ZNF423: variants seen among roughly 807,000 people sequenced by gnomAD.
ZNF423 encodes Ebf-associated zinc finger protein.
A neutral mutation model predicts 95.8 loss-of-function variants in ZNF423; 12 were observed. The ratio of observed to expected loss-of-function variants is 0.13; its 90% CI spans 0.08 to 0.20. The LOEUF (loss-of-function observed/expected upper bound fraction) is 0.20. ZNF423 is among the 10% of genes least tolerant of loss of function. The pLI, the probability that ZNF423 is intolerant of heterozygous loss-of-function variation, is 1.00. For synonymous variants in ZNF423, 749 were observed against 711.9 expected, an observed-to-expected ratio of 1.05 and a Z score of -0.83; for missense variants, 1,316 against 1,737.1, an observed-to-expected ratio of 0.76 and a Z score of 4.31.
At chr16:49,583,972 G>C (rs941351920) in intron 5 of ZNF423, among the ~76,000 whole-genome samples, 2 of 152,234 alleles carry the variant, frequency 1.3e-5, no homozygotes, top group African/African-American at 2.4e-5. Flanking sequence ...GACCCAGCTT[G>C]TTCACTGAGC....
chr16:49,835,557 G>A (rs2144073339), intron 1 of ZNF423, among the ~76,000 whole-genome samples: 1 of 152,344 alleles, frequency 6.6e-6, no homozygotes, highest in Non-Finnish European at 1.5e-5. Flanking sequence ...GTCTGCTCCG[G>A]GGAGATGCGG....
At chr16:49,698,126 A>G (rs1031299402) in intron 3 of ZNF423, among the ~76,000 whole-genome samples, 6 of 152,256 alleles carry the variant, frequency 3.9e-5, no homozygotes. Flanking sequence ...GAGCAAGATC[A>G]GATGAGCTCC....
At chr16:49,728,649 T>C (rs915011536) in intron 3 of ZNF423, among the ~76,000 whole-genome samples, 1 of 152,228 alleles carries the variant, frequency 6.6e-6, no homozygotes. Flanking sequence ...TACCAGTTCT[T>C]ATTTCTGGCT....
intron 7 of ZNF423, among the ~76,000 whole-genome samples, chr16:49,518,983 G>A (rs1470718243): frequency 6.6e-6 from 1 of 152,194 alleles, no homozygotes; most frequent in Admixed American, 6.5e-5. Flanking sequence ...AGGATGACAT[G>A]AGCCCCGGAG....
chr16:49,715,568 A>C (rs2032680541), intron 3 of ZNF423, among the ~76,000 whole-genome samples: 1 of 151,940 alleles, frequency 6.6e-6, no homozygotes, highest in African/African-American at 2.4e-5. Context: ...TACCAAGACC[A>C]CATTTTTTCA....
intron 2 of ZNF423, among the ~76,000 whole-genome samples, chr16:49,767,785 C>T (rs1259752941): frequency 6.6e-6 from 1 of 152,168 alleles, no homozygotes; most frequent in African/African-American, 2.4e-5. Context: ...CTGAAGTCCA[C>T]GCATCCTTCC....
At chr16:49,664,424 G>T in intron 3 of ZNF423, 1 of 424,774 alleles carries the variant, frequency 2.4e-6, no homozygotes, top group Non-Finnish European at 3.2e-6. Flanking sequence ...CTCAGGCCAC[G>T]CGGCCAGATG....
At chr16:49,760,033 T>TGGGGGGGGGGGG (rs2033798568) in intron 2 of ZNF423, among the ~76,000 whole-genome samples, 1 of 7,712 alleles carries the variant, frequency 1.3e-4, no homozygotes, top group Non-Finnish European at 2.4e-4. Flanking sequence ...GATGGGTGGG[T>TGGGGGGGGGGGG]GGGGTGGGTA....
chr16:49,510,334 T>C (rs1967835304), intron 7 of ZNF423, among the ~76,000 whole-genome samples: 1 of 152,100 alleles, frequency 6.6e-6, no homozygotes, highest in African/African-American at 2.4e-5. Context: ...ACAAAGCAAC[T>C]CTGAGGCCCC....
At chr16:49,593,696 C>G (rs1236992570) in intron 5 of ZNF423, among the ~76,000 whole-genome samples, 1 of 152,160 alleles carries the variant, frequency 6.6e-6, no homozygotes, top group Non-Finnish European at 1.5e-5. Flanking sequence ...AGCCTGCTCA[C>G]AGAGAAGGGA....
rs1471635956 is a variant in ZNF423, at chr16:49,722,778, A to G, written c.301+7993T>C. The stretch of plus-strand genomic sequence containing the variant: ...TACTATGTGTTCTAGCCACAGGCCA[A>G]AGCAATCCTGCGGAGAGGGAAGAGA... On this transcript the variant is annotated intron_variant, in intron 3 of 7. Transcript: ENST00000563137. Among the ~76,000 whole-genome samples, 12 of 152,270 alleles carry G rather than the reference A, an allele frequency of 7.9e-5. No individual in the cohort carries two copies. The East Asian group carries it at 2.1e-3, about 27-fold the overall frequency.
chr16:49,528,935 G>C (rs1968733291), intron 5 of ZNF423, among the ~76,000 whole-genome samples: 1 of 151,986 alleles, frequency 6.6e-6, no homozygotes, highest in African/African-American at 2.4e-5. Flanking sequence ...TCCACCCCAA[G>C]ATGCAGGGTC....
intron 3 of ZNF423, among the ~76,000 whole-genome samples, chr16:49,692,071 G>A (rs543860889): frequency 4.6e-5 from 7 of 152,016 alleles, no homozygotes; most frequent in South Asian, 2.1e-4. Context: ...AGCCTCAGCC[G>A]CCAGAGTAGC....
At chr16:49,496,846 G>A (rs1224382886) in intron 7 of ZNF423, among the ~76,000 whole-genome samples, 4 of 152,152 alleles carry the variant, frequency 2.6e-5, no homozygotes, top group Non-Finnish European at 4.4e-5. Context: ...GGGACTGTTT[G>A]CTCCCTGCCA....
At chr16:49,684,920 G>A (rs971033294) in intron 3 of ZNF423, among the ~76,000 whole-genome samples, 2 of 152,202 alleles carry the variant, frequency 1.3e-5, no homozygotes, top group Admixed American at 6.5e-5. Context: ...AGATTTCCAC[G>A]CAATCTAGAC....
chr16:49,842,415 AGGCAGGC>A (rs1567368485), intron 1 of ZNF423, among the ~76,000 whole-genome samples: 1,747 of 93,016 alleles, frequency 0.019, 44 homozygotes, highest in African/African-American at 0.057. Flanking sequence ...GAAGGAAGGC[AGGCAGGC>A]AGGCAGGCAG....
chr16:49,717,738 A>G (rs1487370217), intron 3 of ZNF423, among the ~76,000 whole-genome samples: 2 of 152,132 alleles, frequency 1.3e-5, no homozygotes, highest in Non-Finnish European at 2.9e-5. Context: ...GGGAATCCCA[A>G]CCTTCCAACT....
intron 1 of ZNF423, among the ~76,000 whole-genome samples, chr16:49,832,050 T>C (rs1179943629): frequency 6.6e-6 from 1 of 151,958 alleles, no homozygotes; most frequent in Non-Finnish European, 1.5e-5. Context: ...GCTTCTGACT[T>C]TTCCTCCTCT....
intron 3 of ZNF423, among the ~76,000 whole-genome samples, chr16:49,646,540 G>A (rs992663043): frequency 6.8e-6 from 1 of 146,326 alleles, no homozygotes; most frequent in African/African-American, 2.5e-5. Flanking sequence ...CAGATCCAGT[G>A]GTTACTGTTT....
Sources: allele counts gnomAD v4.1 joint callset (sites outside exome capture counted in the v4.1 genomes callset), GRCh38; gene constraint gnomAD v4.1.1; transcripts MANE v1.5; gene names NCBI Gene and HGNC (gene_info 2026-07-23, HGNC 2026-07-21).